MED15: variants seen among roughly 807,000 people sequenced by gnomAD.
The protein encoded by MED15 is mediator of RNA polymerase II transcription subunit 15.
Under a neutral mutation model 118.7 loss-of-function variants are expected in MED15, and 41 were observed. The observed-to-expected ratio is 0.35, with a 90% CI of 0.27 to 0.45. MED15 has a LOEUF of 0.45. MED15 is among the 20% of genes least tolerant of loss of function. The pLI, the probability that MED15 is intolerant of heterozygous loss-of-function variation, is 1.00. For synonymous variants in MED15, 436 were observed against 413.9 expected (o/e 1.05, Z -0.65); for missense variants, 740 against 1,025.5 (o/e 0.72, Z 3.80).
At chr22:20,583,061 G>GGGC in intron 11 of MED15, 52 bp from the exon 12 acceptor site, 1 of 1,559,648 alleles carries the variant, frequency 6.4e-7, no homozygotes, top group Non-Finnish European at 8.7e-7. Context: ...CAGAGCTCAA[G>GGGC]TTCCCCACCC....
At chr22:20,523,868 A>G (rs1301050202) in intron 1 of MED15, 2 of 983,418 alleles carry the variant, frequency 2.0e-6, no homozygotes, top group Non-Finnish European at 2.4e-6. Flanking sequence ...TAGTTCTTTC[A>G]ATGATCTTGT....
chr22:20,557,092 T>A (rs1163194575), intron 5 of MED15, among the ~76,000 whole-genome samples: 1 of 152,146 alleles, frequency 6.6e-6, no homozygotes, highest in Non-Finnish European at 1.5e-5. Flanking sequence ...CTTCAGTGCT[T>A]CAATATATTT....
chr22:20,587,141 TCA>T lies in MED15; in HGVS notation c.*440_*441del, dbSNP rs1186134777. On this transcript the variant is annotated 3_prime_UTR_variant, in exon 18 of 18. Transcript: ENST00000263205. ...TTAAAACACACATGGGATTCTCTGG[TCA>T]CAGTTTTGGGTTCAGGCTATGCTGC... 1.7e-5 allele frequency: 3 copies of T among 173,966 alleles called. No homozygotes were observed. Among genetic ancestry groups the T allele is most frequent in the South Asian group, 1.6e-4 (1 of 6,168 alleles). The allele number at this position is 173,966 out of a possible 1,614,324, so 10.8% of individuals were successfully genotyped here.
chr22:20,537,023 CA>C, intron 1 of MED15, 93 bp from the exon 2 acceptor site: 2 of 1,151,918 alleles, frequency 1.7e-6, no homozygotes, highest in Non-Finnish European at 2.5e-6. Context: ...ACCTTGTCAC[CA>C]GGGGCAGCTG....
chr22:20,583,893 G>A (rs5759455), intron 13 of MED15: 15,274 of 231,494 alleles, frequency 0.066, 1,158 homozygotes, highest in East Asian at 0.37. Flanking sequence ...AGCTCGGGCA[G>A]TACCTCCAAA....
At chr22:20,527,825 C>T (rs186568339) in intron 1 of MED15, among the ~76,000 whole-genome samples, 16 of 151,948 alleles carry the variant, frequency 1.1e-4, no homozygotes, top group East Asian at 5.8e-4. Context: ...GGCATGGTGG[C>T]GCGCGCCTGT....
chr22:20,581,442 AGG>A (rs1200289162), intron 9 of MED15, among the ~76,000 whole-genome samples: 1 of 151,870 alleles, frequency 6.6e-6, no homozygotes, highest in East Asian at 1.9e-4. Context: ...GGCCCGAGAC[AGG>A]CGTTCATGGC....
At chr22:20,539,538 A>G (rs2055208818) in intron 2 of MED15, among the ~76,000 whole-genome samples, 3 of 152,234 alleles carry the variant, frequency 2.0e-5, no homozygotes, top group Admixed American at 2.0e-4. Flanking sequence ...TAAGCAGAAC[A>G]ATAGTTAATG....
chr22:20,582,281 C>A, intron 9 of MED15: 1 of 437,108 alleles, frequency 2.3e-6, no homozygotes. Flanking sequence ...GAAGGCCAGG[C>A]TAGTGCCAGC....
chr22:20,509,092 G>C (rs79144837), intron 1 of MED15, among the ~76,000 whole-genome samples: 2,717 of 152,164 alleles, frequency 0.018, 52 homozygotes, highest in Non-Finnish European at 0.022. Flanking sequence ...GAGGAGTTAG[G>C]AAACATGAGC....
chr22:20,508,105 CTGGGTGCTT>C, intron 1 of MED15: 1 of 1,271,194 alleles, frequency 7.9e-7, no homozygotes, highest in South Asian at 1.5e-5. Flanking sequence ...TTTAGCAGGG[CTGGGTGCTT>C]CATGGTTTCT....
At chr22:20,539,856 C>T (rs1323639160) in intron 2 of MED15, among the ~76,000 whole-genome samples, 3 of 151,946 alleles carry the variant, frequency 2.0e-5, no homozygotes, top group Non-Finnish European at 4.4e-5. Flanking sequence ...GCTTTTTGGC[C>T]ATTTGTATAT....
chr22:20,553,274 A>T (rs1030847970), intron 4 of MED15, 100 bp downstream of exon 4: 4 of 1,244,076 alleles, frequency 3.2e-6, no homozygotes, highest in African/African-American at 1.5e-5. Context: ...TTAACCTGTC[A>T]CTAGAGGAGA....
chr22:20,542,373 T>C (rs1290193461), intron 2 of MED15, among the ~76,000 whole-genome samples: 4 of 152,176 alleles, frequency 2.6e-5, no homozygotes, highest in African/African-American at 4.8e-5. Context: ...ATCCATACAA[T>C]GAATATCATG....
At chr22:20,521,550 A>AT (rs557681487) in intron 1 of MED15, among the ~76,000 whole-genome samples, 310 of 130,596 alleles carry the variant, frequency 2.4e-3, no homozygotes, top group African/African-American at 3.1e-3. Flanking sequence ...CACCCGGCTA[A>AT]TTTTTTTTTT....
chr22:20,584,482 G>A, intron 14 of MED15, 57 bp downstream of exon 14: 1 of 1,580,192 alleles, frequency 6.3e-7, no homozygotes, highest in Non-Finnish European at 8.7e-7. Context: ...GAGCTCCTGG[G>A]AGTGCTGCTG....
rs1481766541 is a variant in MED15, at chr22:20,508,313, GAGGAGAGCGTGA to G, written c.68+570_68+581del. On this transcript the variant is annotated intron_variant, in intron 1 of 17. Coordinates refer to ENST00000263205, the MANE Select transcript of MED15 (RefSeq NM_001003891.3). ...TGTCAGGAAGCGATCGTCGTTTCTGGAGGAGAGCGTGAAGAGCTGGGGTCAGTGGCCCCGCTC... is the reference window on the plus strand; with the variant it reads ...TGTCAGGAAGCGATCGTCGTTTCTGGAGAGCTGGGGTCAGTGGCCCCGCTC... The G allele has an allele frequency of 3.8e-6, 5 of 1,303,876 alleles. No individual in the cohort carries two copies. The African/African-American group carries it at 7.6e-5, about 20-fold the overall frequency. 80.8% of individuals were successfully genotyped at this position (1,303,876 alleles called of 1,614,324 possible).
chr22:20,555,687 T>C (rs774532366), intron 5 of MED15, among the ~76,000 whole-genome samples: 22 of 152,220 alleles, frequency 1.4e-4, no homozygotes, highest in Admixed American at 2.6e-4. Context: ...GAACCAAAGC[T>C]GCTCTAAAGG....
chr22:20,521,396 C>T (rs2054450562), intron 1 of MED15, among the ~76,000 whole-genome samples: 2 of 150,352 alleles, frequency 1.3e-5, no homozygotes, highest in Admixed American at 1.3e-4. Context: ...CATGCCCAGC[C>T]TGTGTTTTTG....
Sources: gnomAD v4.1 joint callset for allele counts (sites outside exome capture counted in the v4.1 genomes callset) on GRCh38, gnomAD v4.1.1 for gene constraint, MANE v1.5 for transcripts, NCBI Gene and HGNC (gene_info 2026-07-23, HGNC 2026-07-21) for gene names.